The following HIVEP3 variants were observed in gnomAD, a reference collection of about 807,000 sequenced individuals.
HIVEP3 encodes the protein HIVEP zinc finger 3.
HIVEP3 carries 49 observed loss-of-function variants against 152.8 expected under a neutral mutation model. The observed-to-expected ratio is 0.32, with a 90% CI of 0.26 to 0.41. The LOEUF (loss-of-function observed/expected upper bound fraction) is 0.41. Among genes scored for constraint, HIVEP3 ranks in the 10% least tolerant of loss-of-function variants. The pLI is 1.00. For missense variants in HIVEP3, 2,790 were observed against 3,103.3 expected, an observed-to-expected ratio of 0.90 and a Z score of 2.40; for synonymous variants, 1,269 against 1,289.0, an observed-to-expected ratio of 0.98 and a Z score of 0.33.
At chr1:41,829,017 T>C (rs996454063) in intron 1 of HIVEP3, among the ~76,000 whole-genome samples, 2 of 152,222 alleles carry the variant, frequency 1.3e-5, no homozygotes, top group Non-Finnish European at 1.5e-5. Flanking sequence ...GGCTCAGGGG[T>C]GGCCTCCCTT....
At chr1:41,621,068 C>T (rs553290864) in intron 3 of HIVEP3, among the ~76,000 whole-genome samples, 13 of 152,310 alleles carry the variant, frequency 8.5e-5, no homozygotes, top group African/African-American at 2.6e-4. Flanking sequence ...TTCCCAATTG[C>T]CCTTTGGGAG....
chr1:41,910,060 T>C (rs1406560966), intron 1 of HIVEP3, among the ~76,000 whole-genome samples: 1 of 151,876 alleles, frequency 6.6e-6, no homozygotes, highest in Non-Finnish European at 1.5e-5. Context: ...CAAATGTAAA[T>C]AAGTTAGATG....
At chr1:42,028,117 C>T (rs1285237131) in intron 1 of HIVEP3, among the ~76,000 whole-genome samples, 1 of 152,220 alleles carries the variant, frequency 6.6e-6, no homozygotes, top group East Asian at 1.9e-4. Context: ...CCTATATCCA[C>T]TCCTGTCTCC....
At chr1:41,598,311 G>A (rs1221137746) in intron 3 of HIVEP3, among the ~76,000 whole-genome samples, 1 of 152,172 alleles carries the variant, frequency 6.6e-6, no homozygotes, top group African/African-American at 2.4e-5. Context: ...TTCTATACAC[G>A]TGACTGTGGC....
intron 5 of HIVEP3, among the ~76,000 whole-genome samples, chr1:41,531,794 GGAGACGGAGGACAGGA>G (rs1643263702): frequency 3.5e-5 from 2 of 57,890 alleles, no homozygotes. Flanking sequence ...GGAAGACAGG[GGAGACGGAGGACAGGA>G]GAGATGGAGG....
intron 1 of HIVEP3, among the ~76,000 whole-genome samples, chr1:41,888,379 A>C (rs1644385316): frequency 6.6e-6 from 1 of 151,784 alleles, no homozygotes; most frequent in Non-Finnish European, 1.5e-5. Context: ...AACAGTCTTT[A>C]CTAAGACATA....
intron 2 of HIVEP3, among the ~76,000 whole-genome samples, chr1:41,655,815 C>T (rs1366908009): frequency 1.3e-5 from 2 of 152,066 alleles, no homozygotes; most frequent in Non-Finnish European, 2.9e-5. Context: ...GTGCTGTACC[C>T]CAGTGCCTAG....
intron 1 of HIVEP3, among the ~76,000 whole-genome samples, chr1:41,751,829 C>T (rs1647168178): frequency 6.6e-6 from 1 of 152,158 alleles, no homozygotes; most frequent in Non-Finnish European, 1.5e-5. Flanking sequence ...AAAAGCATCA[C>T]ACAGATGGTA....
intron 1 of HIVEP3, among the ~76,000 whole-genome samples, chr1:42,014,666 C>T (rs1645511917): frequency 6.6e-6 from 1 of 152,128 alleles, no homozygotes; most frequent in Non-Finnish European, 1.5e-5. Context: ...ACTTTCTAGG[C>T]ACCAATGAAG....
chr1:41,654,493 T>C (rs1205993508), intron 2 of HIVEP3, among the ~76,000 whole-genome samples: 1 of 151,902 alleles, frequency 6.6e-6, no homozygotes, highest in African/African-American at 2.4e-5. Context: ...GGAATAGTTT[T>C]AGATTGACAG....
intron 6 of HIVEP3, among the ~76,000 whole-genome samples, chr1:41,521,047 C>A (rs1031749262): frequency 1.3e-5 from 2 of 152,210 alleles, no homozygotes; most frequent in African/African-American, 4.8e-5. Flanking sequence ...CTAGATGGAA[C>A]CTGGCAGCCT....
intron 2 of HIVEP3, among the ~76,000 whole-genome samples, chr1:41,652,032 G>C (rs1330782853): frequency 6.6e-6 from 1 of 152,126 alleles, no homozygotes; most frequent in Non-Finnish European, 1.5e-5. Context: ...CACTCTTCTG[G>C]GTTCCTGACA....
At chr1:41,811,654 G>A (rs1650966735) in intron 1 of HIVEP3, among the ~76,000 whole-genome samples, 1 of 151,830 alleles carries the variant, frequency 6.6e-6, no homozygotes, top group Admixed American at 6.6e-5. Context: ...CTGAACCATC[G>A]TGCTGTGCTG....
chr1:42,012,351 G>A (rs1645497549), intron 1 of HIVEP3, among the ~76,000 whole-genome samples: 1 of 152,140 alleles, frequency 6.6e-6, no homozygotes, highest in African/African-American at 2.4e-5. Flanking sequence ...GATGTTATTA[G>A]GAGGAGTGGC....
Position 41,582,554 on chromosome 1 carries a change from G to T in HIVEP3, c.2244C>A (p.Asn748Lys), listed in dbSNP as rs747923003. 9 of 1,611,740 alleles carry T rather than the reference G, an allele frequency of 5.6e-6. No individual in the cohort carries two copies. The highest frequency in any genetic ancestry group is 7.6e-6 in the Non-Finnish European group (9 of 1,178,640). ...GSPGPSDAAR[N>K]LPLESTKSPA... Reference sequence around the variant, plus strand: ...GTGACTTGGTGGACTCCAGGGGAAGGTTCCGAGCAGCATCAGATGGCCCGG... The same window carrying T: ...GTGACTTGGTGGACTCCAGGGGAAGTTTCCGAGCAGCATCAGATGGCCCGG... The change falls in exon 4 of 9, where the codon AAC becomes AAA. Residue 748 changes from asparagine (N) to lysine (K), a missense_variant. Transcript: ENST00000372583. This position sits in a 1 kb window ranked among gnomAD's most constrained non-coding sequence, Gnocchi z 4.7.
intron 1 of HIVEP3, among the ~76,000 whole-genome samples, chr1:41,955,307 TA>T (rs1057124866): frequency 2.6e-5 from 4 of 152,128 alleles, no homozygotes; most frequent in African/African-American, 9.7e-5. Flanking sequence ...AAGGGAATAT[TA>T]AGAAGTGTCT....
chr1:41,851,507 T>C (rs1200423996), intron 1 of HIVEP3, among the ~76,000 whole-genome samples: 1 of 152,054 alleles, frequency 6.6e-6, no homozygotes, highest in Non-Finnish European at 1.5e-5. Context: ...TTCACCATGT[T>C]AGCCAGGATG....
chr1:41,776,890 G>A (rs1648738325), intron 1 of HIVEP3, among the ~76,000 whole-genome samples: 1 of 152,216 alleles, frequency 6.6e-6, no homozygotes. Context: ...TGTAGTGGGT[G>A]ACAGGCAGGG....
intron 1 of HIVEP3, among the ~76,000 whole-genome samples, chr1:41,929,357 A>G (rs1226356232): frequency 6.6e-6 from 1 of 152,044 alleles, no homozygotes; most frequent in Non-Finnish European, 1.5e-5. Context: ...GCTTTGGCCA[A>G]TAAGAGCTTT....
Sources: gnomAD v4.1 joint callset for allele counts (sites outside exome capture counted in the v4.1 genomes callset) on GRCh38, gnomAD v4.1.1 for gene constraint, Gnocchi (gnomAD v3.1) non-coding constraint, MANE v1.5 for transcripts, NCBI Gene and HGNC (gene_info 2026-07-23, HGNC 2026-07-21) for gene names.